The following PDE4D variants were observed in gnomAD, a reference collection of about 807,000 sequenced individuals.
The protein encoded by PDE4D is phosphodiesterase 4D, also known as 3',5'-cyclic-AMP phosphodiesterase 4D.
PDE4D carries 24 observed loss-of-function variants against 87.4 expected under a neutral mutation model. That is an observed-to-expected ratio of 0.27 (90% CI 0.20 to 0.39). The LOEUF (loss-of-function observed/expected upper bound fraction) is 0.39, where lower values mean the gene tolerates loss of function less well. Ranked by LOEUF, PDE4D falls within the 10% of genes least tolerant of loss-of-function variation. The probability of loss-of-function intolerance (pLI) is 1.00; values close to 1 mark genes in which losing one functional copy is unlikely to be tolerated. For missense variants in PDE4D, 714 were observed against 1,041.0 expected (o/e 0.69, Z 4.32); for synonymous variants, 384 against 383.2 (o/e 1.00, Z -0.02).
Position 59,596,191 on chromosome 5 carries a change from A to G in PDE4D, c.455+296977T>C, listed in dbSNP as rs190521653. Among the ~76,000 whole-genome samples, 31 of 151,508 alleles carry G rather than the reference A, an allele frequency of 2.0e-4. No homozygotes were observed. The East Asian group carries it at 5.6e-3, about 27-fold the overall frequency. On this transcript the variant is annotated intron_variant, in intron 1 of 14. Coordinates refer to ENST00000340635, the MANE Select transcript of PDE4D (RefSeq NM_001104631.2). ...TTAACAGAGTTAGGTATAAAAGCAA[A>G]TATGACTATGTTATTTACAAATACA...
chr5:59,093,261 T>C (rs149678485), intron 5 of PDE4D, among the ~76,000 whole-genome samples: 3 of 152,250 alleles, frequency 2.0e-5, no homozygotes, highest in Admixed American at 2.0e-4. Flanking sequence ...TGAAAGTGTA[T>C]TAAAATTATA....
chr5:59,719,084 A>C (rs1157863695), intron 1 of PDE4D, among the ~76,000 whole-genome samples: 1 of 152,076 alleles, frequency 6.6e-6, no homozygotes, highest in Non-Finnish European at 1.5e-5. Context: ...AGGAGGTAAC[A>C]CTAAAGGGGT....
intron 1 of PDE4D, among the ~76,000 whole-genome samples, chr5:59,491,043 A>G (rs1240793292): frequency 2.6e-5 from 4 of 152,204 alleles, no homozygotes; most frequent in African/African-American, 9.6e-5. Context: ...TTGAACACAT[A>G]TGGCCTAACA....
At chr5:59,299,451 C>T (rs1347611376) in intron 1 of PDE4D, among the ~76,000 whole-genome samples, 1 of 152,160 alleles carries the variant, frequency 6.6e-6, no homozygotes, top group African/African-American at 2.4e-5. Context: ...TACTCCTTTA[C>T]TTATGTTTCT....
At chr5:60,251,358 C>T (rs1748432047) in intron 1 of PDE4D, among the ~76,000 whole-genome samples, 1 of 152,052 alleles carries the variant, frequency 6.6e-6, no homozygotes, top group South Asian at 2.1e-4. Context: ...CTCCCCCTTC[C>T]CACTGTCCAT....
intron 1 of PDE4D, among the ~76,000 whole-genome samples, chr5:59,546,381 G>A (rs1030994856): frequency 5.9e-5 from 9 of 152,026 alleles, no homozygotes; most frequent in African/African-American, 2.2e-4. Flanking sequence ...AATTGCTATG[G>A]CATTATTCGT....
intron 6 of PDE4D, among the ~76,000 whole-genome samples, chr5:59,000,639 T>C (rs1750324126): frequency 6.6e-6 from 1 of 152,112 alleles, no homozygotes; most frequent in Non-Finnish European, 1.5e-5. Flanking sequence ...GCATAAGGAA[T>C]GCAGTGTTTT....
intron 11 of PDE4D, among the ~76,000 whole-genome samples, chr5:58,981,459 ACC>A: frequency 1.4e-5 from 2 of 147,218 alleles, no homozygotes; most frequent in East Asian, 4.0e-4. Context: ...TAAAGTTAAT[ACC>A]TCTTATGTTA....
intron 2 of PDE4D, among the ~76,000 whole-genome samples, chr5:60,020,908 G>A (rs1048915918): frequency 1.2e-4 from 18 of 152,308 alleles, no homozygotes; most frequent in Admixed American, 3.9e-4. Context: ...ATCTTGTTTA[G>A]AGGGTTAGCT....
intron 13 of PDE4D, among the ~76,000 whole-genome samples, 195 bp downstream of exon 13, chr5:58,976,155 A>AAAAAC (rs1411349403): frequency 1.3e-5 from 2 of 152,292 alleles, no homozygotes; most frequent in East Asian, 3.9e-4. Context: ...ATTAATGTAG[A>AAAAAC]TGCAAACAGA....
chr5:60,138,098 T>C (rs1780206853), intron 2 of PDE4D, among the ~76,000 whole-genome samples: 1 of 152,122 alleles, frequency 6.6e-6, no homozygotes, highest in South Asian at 2.1e-4. Flanking sequence ...TGGTTGTGGG[T>C]ATGCAGTCTT....
At chr5:59,018,229 C>T (rs774186839) in intron 6 of PDE4D, among the ~76,000 whole-genome samples, 6 of 152,100 alleles carry the variant, frequency 3.9e-5, no homozygotes, top group Admixed American at 1.3e-4. Context: ...ATCAGAATCA[C>T]GGATACTGGC....
chr5:60,337,258 G>A lies in PDE4D; in HGVS notation c.-90+150684C>T, dbSNP rs10040301. 5.3e-3 allele frequency among the ~76,000 whole-genome samples: 800 copies of A among 149,772 alleles called. 4 individuals carry two copies. The highest frequency in any genetic ancestry group is 0.015 in the African/African-American group (628 of 40,844). On this transcript the variant is annotated intron_variant, in intron 1 of 16. Transcript: ENST00000502484. ...TGAGGCAGGAGAATCACTTGAACCC[G>A]GGGGGTAGAGGTTGTAGTAAGCTGA... is the stretch of plus-strand genomic sequence containing the variant.
intron 6 of PDE4D, among the ~76,000 whole-genome samples, chr5:59,027,521 T>G (rs749775205): frequency 6.6e-6 from 1 of 152,194 alleles, no homozygotes; most frequent in Non-Finnish European, 1.5e-5. Flanking sequence ...TTCCCCCACT[T>G]AGGTATTTAT....
chr5:59,653,172 C>G (rs1743788657), intron 1 of PDE4D, among the ~76,000 whole-genome samples: 1 of 149,042 alleles, frequency 6.7e-6, no homozygotes, highest in Non-Finnish European at 1.5e-5. Context: ...GCATACTGAA[C>G]TGACTATTCT....
intron 2 of PDE4D, among the ~76,000 whole-genome samples, chr5:60,069,883 T>A (rs1046233407): frequency 6.6e-5 from 10 of 152,034 alleles, no homozygotes; most frequent in African/African-American, 2.4e-4. Context: ...CACAAATCTT[T>A]CACCTTGTTA....
chr5:59,801,703 T>A (rs959849716), intron 1 of PDE4D, among the ~76,000 whole-genome samples: 2 of 152,216 alleles, frequency 1.3e-5, no homozygotes, highest in African/African-American at 2.4e-5. Context: ...AATTATTTTA[T>A]AATGGAAAAT....
chr5:59,747,284 C>G (rs985678051), intron 1 of PDE4D, among the ~76,000 whole-genome samples: 1 of 152,192 alleles, frequency 6.6e-6, no homozygotes, highest in African/African-American at 2.4e-5. Context: ...CTGACCCTCA[C>G]CAAACTTATG....
At chr5:60,337,204 G>A (rs1030594381) in intron 1 of PDE4D, among the ~76,000 whole-genome samples, 21 of 149,962 alleles carry the variant, frequency 1.4e-4, no homozygotes, top group African/African-American at 5.1e-4. Flanking sequence ...ATGGTGGCAG[G>A]CACCTATAAT....
Sources: gnomAD v4.1 joint callset for allele counts (sites outside exome capture counted in the v4.1 genomes callset) on GRCh38, gnomAD v4.1.1 for gene constraint, MANE v1.5 for transcripts, NCBI Gene and HGNC (gene_info 2026-07-23, HGNC 2026-07-21) for gene names.